RNF150: variants seen among roughly 807,000 people sequenced by gnomAD.
The protein encoded by RNF150 is ring finger protein 150.
Under a neutral mutation model 39.3 loss-of-function variants are expected in RNF150, and 24 were observed. The ratio of observed to expected loss-of-function variants is 0.61; its 90% CI spans 0.44 to 0.86. The LOEUF is 0.86. Ranked by LOEUF, RNF150 falls within the 40% of genes least tolerant of loss-of-function variation. The pLI is 0.00. For missense variants in RNF150, 502 were observed against 587.8 expected, an observed-to-expected ratio of 0.85 and a Z score of 1.51; for synonymous variants, 255 against 227.3, an observed-to-expected ratio of 1.12 and a Z score of -1.10.
intron 1 of RNF150, among the ~76,000 whole-genome samples, chr4:141,144,378 G>C (rs892620479): frequency 6.6e-6 from 1 of 152,176 alleles, no homozygotes; most frequent in Non-Finnish European, 1.5e-5. Context: ...CACTGATAAA[G>C]ACTGTGTTTT....
At chr4:141,147,316 C>T (rs1018896977) in intron 1 of RNF150, among the ~76,000 whole-genome samples, 2 of 152,202 alleles carry the variant, frequency 1.3e-5, no homozygotes, top group African/African-American at 4.8e-5. Flanking sequence ...CATGGCCATT[C>T]AATGGACCTT....
intron 1 of RNF150, among the ~76,000 whole-genome samples, chr4:141,066,385 C>T (rs1737462352): frequency 6.6e-6 from 1 of 152,120 alleles, no homozygotes; most frequent in Non-Finnish European, 1.5e-5. Flanking sequence ...CAAAAGAGAT[C>T]ATTGTACTGT....
chr4:140,993,500 C>G (rs1734264038), intron 1 of RNF150, among the ~76,000 whole-genome samples: 1 of 152,180 alleles, frequency 6.6e-6, no homozygotes, highest in Non-Finnish European at 1.5e-5. Flanking sequence ...TATTCTGCCT[C>G]CCATAGTGAA....
intron 1 of RNF150, among the ~76,000 whole-genome samples, chr4:141,092,855 A>G (rs1158025913): frequency 6.6e-6 from 1 of 151,752 alleles, no homozygotes. Flanking sequence ...ATTAATTCCT[A>G]TATAAAACAC....
intron 2 of RNF150, among the ~76,000 whole-genome samples, chr4:140,950,110 G>T (rs190670586): frequency 6.0e-4 from 91 of 152,204 alleles, no homozygotes; most frequent in African/African-American, 2.1e-3. Context: ...AGGATAGGGT[G>T]GTGAGTAAAT....
intron 1 of RNF150, among the ~76,000 whole-genome samples, chr4:141,070,937 A>G (rs9683593): frequency 0.96 from 128,391 of 133,150 alleles, 62,133 homozygotes; most frequent in East Asian, 1. Flanking sequence ...GCACACGTAT[A>G]TTTATTGCAG....
At chr4:140,981,367 A>C (rs1403021749) in intron 1 of RNF150, among the ~76,000 whole-genome samples, 1 of 152,164 alleles carries the variant, frequency 6.6e-6, no homozygotes, top group Non-Finnish European at 1.5e-5. Context: ...GTCTGAAGGT[A>C]ATTTTACATA....
chr4:141,070,296 A>G (rs548928921), intron 1 of RNF150, among the ~76,000 whole-genome samples: 2 of 152,262 alleles, frequency 1.3e-5, no homozygotes, highest in South Asian at 4.2e-4. Flanking sequence ...AAACCTAGGC[A>G]TTACCATTCA....
intron 6 of RNF150, among the ~76,000 whole-genome samples, chr4:140,903,485 G>A (rs551911690): frequency 5.3e-5 from 8 of 152,030 alleles, no homozygotes; most frequent in East Asian, 1.9e-4. Context: ...TTATTTACAC[G>A]AGACCCTCCT....
intron 6 of RNF150, among the ~76,000 whole-genome samples, chr4:140,892,402 A>G (rs755704000): frequency 6.6e-6 from 1 of 152,228 alleles, no homozygotes; most frequent in Non-Finnish European, 1.5e-5. Context: ...TAGTGATGCA[A>G]CAACAAGGGA....
chr4:140,947,863 A>G (rs1159390707), intron 3 of RNF150, 127 bp from the exon 4 acceptor site: 3 of 581,332 alleles, frequency 5.2e-6, no homozygotes, highest in Non-Finnish European at 9.0e-6. Context: ...CAGTTTTTAA[A>G]TCAAATGTAC....
intron 1 of RNF150, among the ~76,000 whole-genome samples, chr4:141,058,298 G>T (rs1737071065): frequency 6.6e-6 from 1 of 152,048 alleles, no homozygotes; most frequent in African/African-American, 2.4e-5. Flanking sequence ...ATGAAGAGGA[G>T]TGGGGAGGGT....
intron 1 of RNF150, among the ~76,000 whole-genome samples, chr4:141,000,018 A>AAG (rs1734569362): frequency 3.4e-5 from 1 of 29,170 alleles, no homozygotes; most frequent in African/African-American, 9.5e-5. Context: ...GAAGAAGAAG[A>AAG]AGAAGAAGAA....
At chr4:141,177,523 T>G (rs1183073772) in intron 1 of RNF150, among the ~76,000 whole-genome samples, 1 of 151,958 alleles carries the variant, frequency 6.6e-6, no homozygotes, top group Admixed American at 6.6e-5. Flanking sequence ...GCAATGTACA[T>G]TAATATCAAG....
chr4:141,024,187 A>G (rs1256902085), intron 1 of RNF150, among the ~76,000 whole-genome samples: 3 of 152,164 alleles, frequency 2.0e-5, no homozygotes, highest in Admixed American at 6.5e-5. Flanking sequence ...TGGAGTTCAG[A>G]TTTGTCTCTA....
At chr4:141,207,911 A>T (rs909801565) in intron 1 of RNF150, among the ~76,000 whole-genome samples, 1 of 152,196 alleles carries the variant, frequency 6.6e-6, no homozygotes, top group African/African-American at 2.4e-5. Context: ...CATTGCAGGT[A>T]TTTCAAGCAG....
intron 1 of RNF150, among the ~76,000 whole-genome samples, chr4:141,075,339 A>AGGTC (rs68150884): frequency 3.6e-4 from 5 of 13,920 alleles, no homozygotes; most frequent in African/African-American, 5.3e-4. Flanking sequence ...GTCCTCAGGC[A>AGGTC]GGTCCATACT....
intron 1 of RNF150, among the ~76,000 whole-genome samples, chr4:140,971,305 G>A (rs1017045999): frequency 5.9e-5 from 9 of 152,102 alleles, no homozygotes; most frequent in Non-Finnish European, 1.3e-4. Context: ...AGTGGTGCAA[G>A]CCCAGCACAG....
At chr4:140,911,112 G>T in intron 6 of RNF150, 32 bp downstream of exon 6, 1 of 1,556,774 alleles carries the variant, frequency 6.4e-7, no homozygotes, top group Non-Finnish European at 8.9e-7. Context: ...CAGTCCTTCT[G>T]GCTATGTCAC....
Sources: allele counts gnomAD v4.1 joint callset (sites outside exome capture counted in the v4.1 genomes callset), GRCh38; gene constraint gnomAD v4.1.1; transcripts MANE v1.5; gene names NCBI Gene and HGNC (gene_info 2026-07-23, HGNC 2026-07-21).